Variants in VPS8 observed in about 807,000 individuals in gnomAD.
The protein encoded by VPS8 is VPS8 subunit of CORVET complex, also known as vacuolar protein sorting-associated protein 8 homolog.
In VPS8, 129 loss-of-function variants were observed where a neutral mutation model predicts 216.4. The ratio of observed to expected loss-of-function variants is 0.60; its 90% CI spans 0.52 to 0.69. The LOEUF is 0.69. Ranked by LOEUF, VPS8 falls within the 30% of genes least tolerant of loss-of-function variation. The pLI is 0.00. For synonymous variants in VPS8, 571 were observed against 565.4 expected (o/e 1.01, Z -0.14); for missense variants, 1,531 against 1,683.5 (o/e 0.91, Z 1.59).
At chr3:184,997,600 A>C (rs1752785592) in intron 44 of VPS8, among the ~76,000 whole-genome samples, 1 of 152,186 alleles carries the variant, frequency 6.6e-6, no homozygotes, top group Admixed American at 6.5e-5. Context: ...GAACAAAACA[A>C]AGGATTTGCC....
chr3:184,924,812 TG>T, intron 29 of VPS8, 49 bp from the exon 30 acceptor site: 4 of 1,542,218 alleles, frequency 2.6e-6, no homozygotes, highest in African/African-American at 1.4e-5. Context: ...TTTTTTTTTT[TG>T]CATCAAACCA....
At chr3:184,870,413 T>G (rs1664403546) in intron 20 of VPS8, among the ~76,000 whole-genome samples, 1 of 152,230 alleles carries the variant, frequency 6.6e-6, no homozygotes, top group Admixed American at 6.5e-5. Flanking sequence ...CTGTGCTCTT[T>G]AGGGAAACAC....
chr3:184,902,441 C>G, intron 25 of VPS8, among the ~76,000 whole-genome samples: 1 of 149,328 alleles, frequency 6.7e-6, no homozygotes. Flanking sequence ...GTGCCACTTG[C>G]CACTGCTCTC....
chr3:185,027,854 G>A (rs1028065116), intron 46 of VPS8, among the ~76,000 whole-genome samples: 1 of 152,174 alleles, frequency 6.6e-6, no homozygotes. Flanking sequence ...GGCCCGGGCA[G>A]CATTCCTTTG....
chr3:184,971,576 TA>T, intron 39 of VPS8, 72 bp from the exon 40 acceptor site: 1 of 1,190,504 alleles, frequency 8.4e-7, no homozygotes, highest in Admixed American at 2.6e-5. Context: ...AAAAGAAGTT[TA>T]ACTTTTCACA....
At chr3:184,917,158 C>T (rs889670669) in intron 28 of VPS8, among the ~76,000 whole-genome samples, 1 of 152,020 alleles carries the variant, frequency 6.6e-6, no homozygotes, top group Admixed American at 6.5e-5. Context: ...GGTGTCTACA[C>T]TGAGTCTCAA....
chr3:185,045,059 A>C (rs1712545984), intron 46 of VPS8, among the ~76,000 whole-genome samples: 1 of 152,190 alleles, frequency 6.6e-6, no homozygotes, highest in Non-Finnish European at 1.5e-5. Context: ...GGCTGAGGCT[A>C]TAAGAGATAC....
At chr3:185,014,893 A>G (rs748682584) in intron 45 of VPS8, among the ~76,000 whole-genome samples, 12 of 152,214 alleles carry the variant, frequency 7.9e-5, no homozygotes, top group Non-Finnish European at 1.6e-4. Context: ...ACCGCAAAAC[A>G]CTGGAAAAGG....
intron 46 of VPS8, among the ~76,000 whole-genome samples, chr3:185,035,136 C>A (rs1374319195): frequency 6.6e-6 from 1 of 152,020 alleles, no homozygotes; most frequent in African/African-American, 2.4e-5. Context: ...AGTACTAGAC[C>A]AGATGGAGTC....
At chr3:184,843,351 T>TG (rs1722539516) in intron 8 of VPS8, 106 bp downstream of exon 8, 1 of 809,394 alleles carries the variant, frequency 1.2e-6, no homozygotes, top group Non-Finnish European at 1.6e-6. Context: ...AAATGCTTAT[T>TG]GAAAAAAACC....
At chr3:184,950,984 T>C (rs1036372924) in intron 36 of VPS8, among the ~76,000 whole-genome samples, 4 of 152,234 alleles carry the variant, frequency 2.6e-5, no homozygotes, top group African/African-American at 7.2e-5. Flanking sequence ...GCATTTGGCT[T>C]GGTTCCATGA....
chr3:184,952,323 A>G (rs1333754567), intron 36 of VPS8, among the ~76,000 whole-genome samples: 2 of 152,168 alleles, frequency 1.3e-5, no homozygotes, highest in Non-Finnish European at 2.9e-5. Context: ...CCAATCAAGC[A>G]GTTCTCTAGT....
chr3:185,026,559 G>A (rs1210182921), intron 46 of VPS8, among the ~76,000 whole-genome samples: 1 of 151,072 alleles, frequency 6.6e-6, no homozygotes, highest in Non-Finnish European at 1.5e-5. Flanking sequence ...TCACAGGGAC[G>A]CACCACCACA....
At chr3:185,004,251 G>A (rs1434742416) in intron 45 of VPS8, among the ~76,000 whole-genome samples, 4 of 152,258 alleles carry the variant, frequency 2.6e-5, no homozygotes, top group African/African-American at 9.6e-5. Context: ...GCCGAGGCTG[G>A]CGGATCACTC....
intron 42 of VPS8, among the ~76,000 whole-genome samples, chr3:184,989,092 A>G (rs961084513): frequency 1.3e-5 from 2 of 152,098 alleles, no homozygotes; most frequent in African/African-American, 2.4e-5. Flanking sequence ...CCCAATCTGT[A>G]TATCTTTTGT....
intron 44 of VPS8, among the ~76,000 whole-genome samples, chr3:184,999,193 G>C (rs1753057727): frequency 6.6e-6 from 1 of 152,198 alleles, no homozygotes. Flanking sequence ...AAGTAGCTGG[G>C]ATTACAGGTA....
intron 40 of VPS8, among the ~76,000 whole-genome samples, chr3:184,981,425 GTTCT>G (rs1750179674): frequency 1.6e-5 from 2 of 128,754 alleles, no homozygotes; most frequent in Non-Finnish European, 3.2e-5. Flanking sequence ...GCAGCAGTGG[GTTCT>G]TTTTTTTTTT....
At chr3:184,869,347 C>G in intron 19 of VPS8, 135 bp from the exon 20 acceptor site, 1 of 905,926 alleles carries the variant, frequency 1.1e-6, no homozygotes, top group Non-Finnish European at 1.7e-6. Context: ...GTGTATTATC[C>G]AACATTTTGA....
chr3:184,934,597 T>C (rs143945980), intron 34 of VPS8, among the ~76,000 whole-genome samples: 1 of 152,364 alleles, frequency 6.6e-6, no homozygotes, highest in East Asian at 1.9e-4. Flanking sequence ...TTTTCTTCTA[T>C]TTCTACTATG....
Sources: allele counts gnomAD v4.1 joint callset (sites outside exome capture counted in the v4.1 genomes callset), GRCh38; gene constraint gnomAD v4.1.1; transcripts MANE v1.5; gene names NCBI Gene and HGNC (gene_info 2026-07-23, HGNC 2026-07-21).